Variants in HS6ST3 observed in about 807,000 individuals in gnomAD.
HS6ST3 encodes heparan sulfate 6-O-sulfotransferase 3.
Under a neutral mutation model 36.7 loss-of-function variants are expected in HS6ST3, and 12 were observed. The observed-to-expected ratio is 0.33, with a 90% CI of 0.21 to 0.53. The LOEUF is 0.53. HS6ST3 is among the 20% of genes least tolerant of loss of function. The pLI, the probability that HS6ST3 is intolerant of heterozygous loss-of-function variation, is 0.95. For synonymous variants in HS6ST3, 240 were observed against 257.5 expected (o/e 0.93, Z 0.65); for missense variants, 584 against 640.9 (o/e 0.91, Z 0.96).
chr13:96,813,182 A>G (rs7318805), intron 1 of HS6ST3, among the ~76,000 whole-genome samples: 77,364 of 152,072 alleles, frequency 0.51, 20,603 homozygotes, highest in African/African-American at 0.67. Flanking sequence ...AAGCCCACAG[A>G]TATCTTAGAA....
intron 1 of HS6ST3, among the ~76,000 whole-genome samples, chr13:96,537,005 A>G (rs1170229402): frequency 2.0e-5 from 3 of 152,162 alleles, no homozygotes; most frequent in Non-Finnish European, 4.4e-5. Flanking sequence ...TGCGAAGCCC[A>G]TACTCTGGTA....
intron 1 of HS6ST3, among the ~76,000 whole-genome samples, chr13:96,583,566 A>G (rs1035881318): frequency 3.3e-5 from 5 of 152,052 alleles, no homozygotes; most frequent in Non-Finnish European, 7.4e-5. Flanking sequence ...TTGATCATCT[A>G]GTCCATGCGT....
chr13:96,152,589 G>A (rs1256990154), intron 1 of HS6ST3, among the ~76,000 whole-genome samples: 2 of 151,998 alleles, frequency 1.3e-5, no homozygotes, highest in Non-Finnish European at 2.9e-5. Context: ...CGCCCGCCTT[G>A]ACCTCCCAAA....
intron 1 of HS6ST3, among the ~76,000 whole-genome samples, chr13:96,647,643 G>A (rs2056593470): frequency 6.6e-6 from 1 of 151,996 alleles, no homozygotes; most frequent in Admixed American, 6.6e-5. Context: ...TAACTTTTTT[G>A]TTAACGGAAA....
At chr13:96,211,076 AT>A (rs987447613) in intron 1 of HS6ST3, among the ~76,000 whole-genome samples, 1 of 151,894 alleles carries the variant, frequency 6.6e-6, no homozygotes, top group Non-Finnish European at 1.5e-5. Flanking sequence ...GATTATAGGC[AT>A]GTGCCACTAC....
intron 1 of HS6ST3, among the ~76,000 whole-genome samples, chr13:96,288,163 A>G (rs949011574): frequency 1.3e-5 from 2 of 152,182 alleles, no homozygotes; most frequent in Non-Finnish European, 2.9e-5. Context: ...TGATCTACAC[A>G]TAAGTTTGAG....
chr13:96,380,603 A>G (rs1424166536), intron 1 of HS6ST3, among the ~76,000 whole-genome samples: 1 of 152,152 alleles, frequency 6.6e-6, no homozygotes, highest in Non-Finnish European at 1.5e-5. Context: ...CTTAAAGAGT[A>G]TTTTCAGGTA....
At chr13:96,565,538 A>G (rs1226854473) in intron 1 of HS6ST3, among the ~76,000 whole-genome samples, 1 of 152,194 alleles carries the variant, frequency 6.6e-6, no homozygotes, top group East Asian at 1.9e-4. Context: ...AAGGATACTA[A>G]ATGCAGAAGG....
chr13:96,602,212 G>A (rs945887919), intron 1 of HS6ST3, among the ~76,000 whole-genome samples: 2 of 151,168 alleles, frequency 1.3e-5, no homozygotes, highest in African/African-American at 4.9e-5. Context: ...TGTTGTTGTT[G>A]TTGTTTACTG....
At chr13:96,573,788 C>A (rs932910711) in intron 1 of HS6ST3, 10 of 360,556 alleles carry the variant, frequency 2.8e-5, no homozygotes, top group African/African-American at 2.2e-4. Context: ...AGCATGTAGA[C>A]AGCAGCAGCA....
chr13:96,313,737 T>C (rs2054953430), intron 1 of HS6ST3, among the ~76,000 whole-genome samples: 1 of 152,200 alleles, frequency 6.6e-6, no homozygotes. Context: ...GCACCTCTGA[T>C]TCATAAGCTT....
intron 1 of HS6ST3, among the ~76,000 whole-genome samples, chr13:96,332,402 A>G (rs1397531986): frequency 6.6e-6 from 1 of 152,116 alleles, no homozygotes. Context: ...AGAAAATCTT[A>G]TCTTTTTATT....
At chr13:96,609,715 T>A (rs2056450841) in intron 1 of HS6ST3, among the ~76,000 whole-genome samples, 1 of 152,246 alleles carries the variant, frequency 6.6e-6, no homozygotes, top group Admixed American at 6.5e-5. Context: ...TCTTCAATTA[T>A]GAAGCATGAA....
intron 1 of HS6ST3, among the ~76,000 whole-genome samples, chr13:96,331,533 C>T (rs1188828383): frequency 6.6e-6 from 1 of 152,046 alleles, no homozygotes; most frequent in Non-Finnish European, 1.5e-5. Context: ...AGGCAGTCTG[C>T]CCGTTCTCAG....
chr13:96,575,104 GCCTT>G (rs1349720680), intron 1 of HS6ST3, among the ~76,000 whole-genome samples: 2 of 152,190 alleles, frequency 1.3e-5, no homozygotes, highest in Non-Finnish European at 2.9e-5. Context: ...AAGATCAGAA[GCCTT>G]TTGGATGGAG....
Position 96,579,378 on chromosome 13 carries a change from A to G in HS6ST3, c.708-253112A>G, listed in dbSNP as rs1432542104. Among the ~76,000 whole-genome samples the G allele has an allele frequency of 2.0e-5, 3 of 152,232 alleles. No homozygotes were observed. The East Asian group carries it at 5.8e-4, about 30-fold the overall frequency. On this transcript the variant is annotated intron_variant, in intron 1 of 1. Coordinates refer to ENST00000376705, the MANE Select transcript of HS6ST3 (RefSeq NM_153456.4). ...ACTTCAGACCAATTCTTTGTATTAC[A>G]CTTGGTTGCCTCTTAGCTATATAAC...
At chr13:96,107,651 C>T (rs1339000650) in intron 1 of HS6ST3, among the ~76,000 whole-genome samples, 3 of 152,104 alleles carry the variant, frequency 2.0e-5, no homozygotes, top group African/African-American at 7.2e-5. Flanking sequence ...AAGTCAGGGA[C>T]CCCAAATAGA....
intron 1 of HS6ST3, among the ~76,000 whole-genome samples, chr13:96,098,257 A>G (rs2053801104): frequency 6.6e-6 from 1 of 152,202 alleles, no homozygotes. Flanking sequence ...CTAAACTGAG[A>G]GGATGTGAAC....
intron 1 of HS6ST3, 29 bp downstream of exon 1, chr13:96,091,598 T>TGGGCCC: frequency 1.3e-6 from 2 of 1,488,692 alleles, no homozygotes; most frequent in Non-Finnish European, 1.8e-6. Context: ...TCTCTGTTCT[T>TGGGCCC]CCCCCCCACC....
Sources: allele counts gnomAD v4.1 joint callset (sites outside exome capture counted in the v4.1 genomes callset), GRCh38; gene constraint gnomAD v4.1.1; transcripts MANE v1.5; gene names NCBI Gene and HGNC (gene_info 2026-07-23, HGNC 2026-07-21).